The following ZDHHC2 variants were observed in gnomAD, a reference collection of about 807,000 sequenced individuals.
ZDHHC2 encodes palmitoyltransferase ZDHHC2.
In ZDHHC2, 51 loss-of-function variants were observed where a neutral mutation model predicts 55.6. The ratio of observed to expected loss-of-function variants is 0.92; its 90% CI spans 0.73 to 1.16. The LOEUF is 1.16. ZDHHC2 is among the 50% of genes most tolerant of loss of function. ZDHHC2 has a pLI of 0.00. For missense variants in ZDHHC2, 491 were observed against 442.4 expected, an observed-to-expected ratio of 1.11 and a Z score of -0.99; for synonymous variants, 199 against 152.9, an observed-to-expected ratio of 1.30 and a Z score of -2.22.
chr8:17,172,758 C>G (rs1315433439), intron 1 of ZDHHC2, among the ~76,000 whole-genome samples: 1 of 152,066 alleles, frequency 6.6e-6, no homozygotes, highest in East Asian at 1.9e-4. Flanking sequence ...CTGTGTAGTA[C>G]AAATTGGAGT....
At chr8:17,217,902 A>G (rs978353134) in intron 12 of ZDHHC2, among the ~76,000 whole-genome samples, 7 of 152,244 alleles carry the variant, frequency 4.6e-5, no homozygotes, top group African/African-American at 1.4e-4. Flanking sequence ...AAACAACTAT[A>G]TAATAAACAG....
At chr8:17,191,296 C>T (rs1038753731) in intron 3 of ZDHHC2, among the ~76,000 whole-genome samples, 8 of 152,156 alleles carry the variant, frequency 5.3e-5, no homozygotes, top group Non-Finnish European at 1.2e-4. Flanking sequence ...GGGGTTTCGC[C>T]ATGTTGGCCA....
rs543812125 is a variant in ZDHHC2, at chr8:17,213,920, A to C, written c.951-1317A>C. Among the ~76,000 whole-genome samples the C allele has an allele frequency of 8.4e-4, 128 of 152,268 alleles. 1 individual carries two copies. Among genetic ancestry groups the C allele is most frequent in the Middle Eastern group, 3.4e-3 (1 of 294 alleles). On this transcript the variant is annotated intron_variant, in intron 10 of 12. Coordinates refer to ENST00000262096, the MANE Select transcript of ZDHHC2 (RefSeq NM_016353.5). ...TTCTGTTTTTTAAGATTTACCTCCA[A>C]AATTTTAGTAGGTAGTTGTTAAAGC...
At position 17,156,765 on chromosome 8, in the gene ZDHHC2, C is replaced by T; in HGVS notation, c.42C>T (p.Cys14=). 2.0e-6 allele frequency: 3 copies of T among 1,506,486 alleles called. No homozygotes were observed. The highest frequency in any genetic ancestry group is 2.7e-6 in the Non-Finnish European group (3 of 1,126,314). 93.3% of individuals were successfully genotyped at this position (1,506,486 alleles called of 1,614,324 possible). Reference sequence around the variant, plus strand: ...CGGGCAGCAGCGCCAGGCGGCGGTGCCGGCGGGTGCTGTACTGGATCCCGG... The same window carrying T: ...CGGGCAGCAGCGCCAGGCGGCGGTGTCGGCGGGTGCTGTACTGGATCCCGG... ...SGPGSSARRR[C]RRVLYWIPVV... Residue 14 remains cysteine (C), a synonymous_variant, in exon 1 of 13, where the codon TGC becomes TGT. Coordinates refer to ENST00000262096, the MANE Select transcript of ZDHHC2 (RefSeq NM_016353.5).
At chr8:17,190,718 A>T (rs990975804) in intron 3 of ZDHHC2, among the ~76,000 whole-genome samples, 1 of 152,054 alleles carries the variant, frequency 6.6e-6, no homozygotes, top group Non-Finnish European at 1.5e-5. Flanking sequence ...GTTAAAAAAA[A>T]CTTGTGAGTA....
chr8:17,180,207 C>A (rs766153129), intron 1 of ZDHHC2, among the ~76,000 whole-genome samples: 1 of 152,106 alleles, frequency 6.6e-6, no homozygotes, highest in South Asian at 2.1e-4. Flanking sequence ...TTAAACAGTG[C>A]CTATCCAAAA....
At chr8:17,171,654 A>G (rs1242696388) in intron 1 of ZDHHC2, among the ~76,000 whole-genome samples, 1 of 152,042 alleles carries the variant, frequency 6.6e-6, no homozygotes, top group African/African-American at 2.4e-5. Context: ...CTGCTTAGCT[A>G]TTTAGAGCAA....
chr8:17,168,336 G>T (rs996263808), intron 1 of ZDHHC2, among the ~76,000 whole-genome samples: 1 of 152,140 alleles, frequency 6.6e-6, no homozygotes, highest in Non-Finnish European at 1.5e-5. Flanking sequence ...CACTTCTGGG[G>T]TTACTTTTAT....
chr8:17,174,398 A>G (rs1805022112), intron 1 of ZDHHC2, among the ~76,000 whole-genome samples: 1 of 152,224 alleles, frequency 6.6e-6, no homozygotes, highest in South Asian at 2.1e-4. Flanking sequence ...AAGACTTGGA[A>G]TGCGATGAAC....
chr8:17,201,751 C>G (rs1241973276), intron 6 of ZDHHC2, among the ~76,000 whole-genome samples: 1 of 151,656 alleles, frequency 6.6e-6, no homozygotes, highest in African/African-American at 2.4e-5. Flanking sequence ...CCGCCTCAGC[C>G]TCCCAAAGTG....
At chr8:17,169,876 CACTT>C (rs1271898737) in intron 1 of ZDHHC2, among the ~76,000 whole-genome samples, 1 of 152,000 alleles carries the variant, frequency 6.6e-6, no homozygotes, top group African/African-American at 2.4e-5. Flanking sequence ...TAGAACTTCT[CACTT>C]ACATTAATGA....
At chr8:17,157,717 A>T (rs1363962185) in intron 1 of ZDHHC2, 1 of 152,236 alleles carries the variant, frequency 6.6e-6, no homozygotes, top group Non-Finnish European at 1.5e-5. Context: ...GGGTTATCAG[A>T]AAAAGATGTT....
rs1218982913 is a variant in ZDHHC2, at chr8:17,221,163, C to T, written c.*942C>T. 6.6e-6 allele frequency: 1 copy of T among 152,518 alleles called. No individual in the cohort carries two copies. The highest frequency in any genetic ancestry group is 1.5e-5 in the Non-Finnish European group (1 of 67,970). 9.4% of individuals were successfully genotyped at this position (152,518 alleles called of 1,614,324 possible). A position where few individuals can be genotyped will look rare whatever the true frequency, so the allele number is the denominator to read the frequency against. On this transcript the variant is annotated 3_prime_UTR_variant, in exon 13 of 13. Coordinates refer to ENST00000262096, the MANE Select transcript of ZDHHC2 (RefSeq NM_016353.5). ...TATCTATATTATTTCTTTCTCGTCT[C>T]ATCAAAATGATGACAGGTAAACTAT...
rs182911774 is a variant in ZDHHC2 at position 17,190,205 on chromosome 8, G to A, written c.252+3780G>A. ...TGGGAGGCGGAGGTTGCAGTGAGCC[G>A]AGATCGCACCACTGCACTCCAGCCT... On this transcript the variant is annotated intron_variant, in intron 3 of 12. Coordinates refer to ENST00000262096, the MANE Select transcript of ZDHHC2 (RefSeq NM_016353.5). 7.3e-5 allele frequency among the ~76,000 whole-genome samples: 11 copies of A among 151,510 alleles called. No individual in the cohort carries two copies. The South Asian group carries it at 8.3e-4, about 11-fold the overall frequency.
At chr8:17,165,333 A>G (rs1563138922) in intron 1 of ZDHHC2, among the ~76,000 whole-genome samples, 1 of 152,218 alleles carries the variant, frequency 6.6e-6, no homozygotes, top group Non-Finnish European at 1.5e-5. Flanking sequence ...TAGCCAGGGC[A>G]TCTTCAGAGA....
chr8:17,186,446 A>C, intron 3 of ZDHHC2, 21 bp downstream of exon 3: 1 of 1,349,644 alleles, frequency 7.4e-7, no homozygotes, highest in Non-Finnish European at 1.0e-6. Context: ...ATATTAACGA[A>C]ATTATTCTAA....
At chr8:17,193,943 T>G (rs1371899423) in intron 3 of ZDHHC2, among the ~76,000 whole-genome samples, 1 of 152,120 alleles carries the variant, frequency 6.6e-6, no homozygotes, top group African/African-American at 2.4e-5. Flanking sequence ...CGACAGGCCC[T>G]GGTGTGTGAT....
rs1046082479 is a variant in ZDHHC2 at position 17,222,777 on chromosome 8, A to G, written c.*2556A>G. ...ATAAGAAACTGCCTTTGCACTGACA[A>G]TGTAAATTATTTTAAGCATAAATTT... On this transcript the variant is annotated 3_prime_UTR_variant, in exon 13 of 13. Coordinates refer to ENST00000262096, the MANE Select transcript of ZDHHC2 (RefSeq NM_016353.5). 9 of 151,682 alleles carry G rather than the reference A, an allele frequency of 5.9e-5. No homozygotes were observed. The highest frequency in any genetic ancestry group is 2.2e-4 in the African/African-American group (9 of 41,368). 9.4% of individuals were successfully genotyped at this position (151,682 alleles called of 1,614,324 possible). A position where few individuals can be genotyped will look rare whatever the true frequency, so the allele number is the denominator to read the frequency against.
intron 12 of ZDHHC2, among the ~76,000 whole-genome samples, chr8:17,218,885 G>C (rs1004123959): frequency 6.6e-6 from 1 of 152,058 alleles, no homozygotes; most frequent in Non-Finnish European, 1.5e-5. Context: ...TTACATCTCA[G>C]ATTTGCAATT....
Sources: gnomAD v4.1 joint callset for allele counts (sites outside exome capture counted in the v4.1 genomes callset) on GRCh38, gnomAD v4.1.1 for gene constraint, MANE v1.5 for transcripts, NCBI Gene and HGNC (gene_info 2026-07-23, HGNC 2026-07-21) for gene names.